PRXL2A: variants seen among roughly 807,000 people sequenced by gnomAD.
PRXL2A encodes peroxiredoxin like 2A.
A neutral mutation model predicts 25.6 loss-of-function variants in PRXL2A; 26 were observed. The ratio of observed to expected loss-of-function variants is 1.02; its 90% CI spans 0.74 to 1.41. The LOEUF (loss-of-function observed/expected upper bound fraction) is 1.41, where lower values mean the gene tolerates loss of function less well. PRXL2A is among the 40% of genes most tolerant of loss of function. The pLI is 0.00. For missense variants in PRXL2A, 246 were observed against 273.9 expected (o/e 0.90, Z 0.72); for synonymous variants, 98 against 102.9 (o/e 0.95, Z 0.29).
At chr10:80,413,771 C>T in intron 1 of PRXL2A, 1 of 977,730 alleles carries the variant, frequency 1.0e-6, no homozygotes, top group Non-Finnish European at 1.2e-6. Flanking sequence ...AGCCTAGGGA[C>T]CTAGTCCCGC....
At chr10:80,417,259 T>C (rs1844693662) in intron 1 of PRXL2A, among the ~76,000 whole-genome samples, 1 of 152,246 alleles carries the variant, frequency 6.6e-6, no homozygotes, top group Non-Finnish European at 1.5e-5. Flanking sequence ...ATAGGGAGTA[T>C]GTCGGACCCG....
chr10:80,427,323 A>C lies in PRXL2A; in HGVS notation c.412-9A>C. On this transcript the variant is annotated splice_polypyrimidine_tract_variant and intron_variant, in intron 4 of 5. Transcript: ENST00000606162. ...TACTCATATGGGATCTGTCTTTCTC[A>C]CTCCATAGAAAAAGTTCTATGGTCC... 6.2e-7 allele frequency: 1 copy of C among 1,613,124 alleles called. No homozygotes were observed. The highest frequency in any genetic ancestry group is 8.5e-7 in the Non-Finnish European group (1 of 1,179,414).
chr10:80,432,162 T>TGGG lies in PRXL2A; in HGVS notation c.*64_*65insGGG. 1 of 962,838 alleles carries TGGG rather than the reference T, an allele frequency of 1.0e-6. No individual in the cohort carries two copies. The highest frequency in any genetic ancestry group is 1.6e-6 in the Non-Finnish European group (1 of 611,250). The allele number at this position is 962,838 out of a possible 1,614,324, so 59.6% of individuals were successfully genotyped here. On this transcript the variant is annotated 3_prime_UTR_variant, in exon 6 of 6. Coordinates refer to ENST00000606162, the MANE Select transcript of PRXL2A (RefSeq NM_032333.5). The stretch of plus-strand genomic sequence containing the variant: ...ATTCACCTGTGTTCATGGGATGTAT[T>TGGG]GTTTCCACTCGTGTCCCTAAGGAGT...
intron 1 of PRXL2A, among the ~76,000 whole-genome samples, chr10:80,419,505 T>C (rs1844785161): frequency 6.6e-6 from 1 of 150,414 alleles, no homozygotes; most frequent in South Asian, 2.1e-4. Flanking sequence ...ATGAGGTTTC[T>C]TCATGTTAGT....
intron 2 of PRXL2A, 80 bp downstream of exon 2, chr10:80,420,725 C>G: frequency 9.2e-7 from 1 of 1,092,750 alleles, no homozygotes; most frequent in Non-Finnish European, 1.2e-6. Context: ...TAAACTCTCT[C>G]CTTTTTTTAA....
At chr10:80,411,518 G>A (rs1303149532) in intron 1 of PRXL2A, among the ~76,000 whole-genome samples, 3 of 152,240 alleles carry the variant, frequency 2.0e-5, no homozygotes, top group African/African-American at 7.2e-5. Context: ...GTCTGATGCA[G>A]GATAAACAGT....
rs958005840 is a variant in PRXL2A at position 80,410,385 on chromosome 10, G to A, written c.-3+1742G>A. ...GCTGCTACAGGAATAGCATGGAGCG[G>A]GCCTGCAGGCCAGAGGGGCTGAGAC... On this transcript the variant is annotated intron_variant, in intron 1 of 5. Transcript: ENST00000606162. Among the ~76,000 whole-genome samples, 3 of 152,266 alleles carry A rather than the reference G, an allele frequency of 2.0e-5. No homozygotes were observed. In the East Asian group the frequency reaches 5.8e-4, roughly 29 times the overall value.
intron 1 of PRXL2A, 189 bp from the exon 2 acceptor site, chr10:80,420,277 G>C: frequency 7.4e-7 from 1 of 1,343,490 alleles, no homozygotes; most frequent in Non-Finnish European, 9.5e-7. Context: ...CCATGTGTGT[G>C]CTGCATCCCC....
In PRXL2A at chr10:80,436,539, G is replaced by C. The variant is rs1229489218; in HGVS notation, c.*4440G>C. The C allele has an allele frequency of 6.6e-6, 1 of 152,150 alleles. No homozygotes were observed. Among genetic ancestry groups the C allele is most frequent in the Non-Finnish European group, 1.5e-5 (1 of 68,066 alleles). The allele number at this position is 152,150 out of a possible 1,614,324, so 9.4% of individuals were successfully genotyped here. A position where few individuals can be genotyped will look rare whatever the true frequency, so the allele number is the denominator to read the frequency against. ...CACTCACGTCAGGAGACCTTACCTG[G>C]AGCCAGGATGCCCCTGATCATCTCT... On this transcript the variant is annotated 3_prime_UTR_variant, in exon 6 of 6. Transcript: ENST00000606162.
At chr10:80,430,600 C>T (rs923140144) in intron 5 of PRXL2A, among the ~76,000 whole-genome samples, 12 of 152,166 alleles carry the variant, frequency 7.9e-5, no homozygotes, top group African/African-American at 2.2e-4. Context: ...AAGCTATGAT[C>T]GCACCACTGA....
rs1223926762 is a variant in PRXL2A, at chr10:80,420,482, G to A, written c.15G>A (p.Gln5=). The part of the protein sequence containing the change: MSFL[Q]DPSFFTMGMW... ...AATCTCCAGAAATGTCTTTCCTCCAGGACCCAAGTTTCTTCACCATGGGGA... is the reference window on the plus strand; with the variant it reads ...AATCTCCAGAAATGTCTTTCCTCCAAGACCCAAGTTTCTTCACCATGGGGA... Residue 5 remains glutamine, a synonymous_variant, in exon 2 of 6, where the codon CAG becomes CAA. Coordinates refer to ENST00000606162, the MANE Select transcript of PRXL2A (RefSeq NM_032333.5). The A allele has an allele frequency of 1.9e-6, 3 of 1,592,810 alleles. No individual in the cohort carries two copies. Among genetic ancestry groups the A allele is most frequent in the African/African-American group, 2.7e-5 (2 of 74,142 alleles).
At chr10:80,408,398 G>A (rs1417220), upstream of PRXL2A, 29,429 of 151,984 alleles carry the variant, frequency 0.19, 3,045 homozygotes, top group South Asian at 0.35. Context: ...TGGGGCACAC[G>A]CCCGAGCGCC....
At chr10:80,429,817 AC>A (rs1263872560) in intron 5 of PRXL2A, among the ~76,000 whole-genome samples, 2 of 151,152 alleles carry the variant, frequency 1.3e-5, no homozygotes, top group Admixed American at 6.6e-5. Context: ...TCCTTCCCCT[AC>A]CCGCCTCTGC....
chr10:80,429,442 A>T (rs1845155121), intron 5 of PRXL2A, among the ~76,000 whole-genome samples: 1 of 152,140 alleles, frequency 6.6e-6, no homozygotes, highest in African/African-American at 2.4e-5. Flanking sequence ...ATTTAAAATA[A>T]CTCAGCCAAA....
intron 5 of PRXL2A, among the ~76,000 whole-genome samples, chr10:80,429,554 CTAGCCTCTCCTGCCCTGCCCT>C (rs1165667726): frequency 2.0e-3 from 294 of 144,700 alleles, no homozygotes; most frequent in East Asian, 6.4e-3. Flanking sequence ...CGCCCCGCCC[CTAGCCTCTCCTGCCCTGCCCT>C]GCCCCTAGCC....
rs1470878421 is a variant in PRXL2A, at chr10:80,432,248, T to A, written c.*149T>A. ...TATTAATGTATTTTAATATTCTGTT[T>A]AGGCCCACTAAGGCAAAATAGCCCC... On this transcript the variant is annotated 3_prime_UTR_variant, in exon 6 of 6. Transcript: ENST00000606162. 1.6e-5 allele frequency: 9 copies of A among 551,816 alleles called. No individual in the cohort carries two copies. In the Admixed American group the frequency reaches 3.4e-4, roughly 21 times the overall value. The allele number at this position is 551,816 out of a possible 1,614,324, so 34.2% of individuals were successfully genotyped here. A position where few individuals can be genotyped will look rare whatever the true frequency, so the allele number is the denominator to read the frequency against.
rs377711586 is a variant in PRXL2A at position 80,420,573 on chromosome 10, G to A, written c.106G>A (p.Val36Met). ...GGCATTGCTGCTTGCCAACACAGAC[G>A]TGTTTCTGTCCAAGCCCCAGAAAGC... Reference protein sequence around the residue: ...ALALLLANTDVFLSKPQKAAL... With the variant: ...ALALLLANTDMFLSKPQKAAL... Residue 36 changes from valine (V) to methionine (M), a missense_variant, in exon 2 of 6, where the codon GTG becomes ATG. By Grantham distance (21) the Val-to-Met change is conservative. Coordinates refer to ENST00000606162, the MANE Select transcript of PRXL2A (RefSeq NM_032333.5). 62 of 1,614,046 alleles carry A rather than the reference G, an allele frequency of 3.8e-5. No homozygotes were observed. The African/African-American group carries it at 5.2e-4, about 14-fold the overall frequency.
At chr10:80,430,956 C>T (rs1264963626) in intron 5 of PRXL2A, among the ~76,000 whole-genome samples, 1 of 152,174 alleles carries the variant, frequency 6.6e-6, no homozygotes, top group South Asian at 2.1e-4. Flanking sequence ...GTGGCGCGAT[C>T]TCGGCTCACT....
intron 5 of PRXL2A, 22 bp downstream of exon 5, chr10:80,427,518 G>T (rs1432288984): frequency 6.2e-7 from 1 of 1,613,396 alleles, no homozygotes; most frequent in Non-Finnish European, 8.5e-7. Flanking sequence ...GTGTTTACTT[G>T]TGGTCTGTAG....
Sources: gnomAD v4.1 joint callset for allele counts (sites outside exome capture counted in the v4.1 genomes callset) on GRCh38, gnomAD v4.1.1 for gene constraint, MANE v1.5 for transcripts, NCBI Gene and HGNC (gene_info 2026-07-23, HGNC 2026-07-21) for gene names.